The following OTOF variants were observed in gnomAD, a reference collection of about 807,000 sequenced individuals.
The protein encoded by OTOF is otoferlin.
OTOF carries 218 observed loss-of-function variants against 236.8 expected under a neutral mutation model. The ratio of observed to expected loss-of-function variants is 0.92; its 90% CI spans 0.82 to 1.03. The LOEUF is 1.03. Ranked by LOEUF, OTOF falls within the 50% of genes least tolerant of loss-of-function variation. OTOF has a pLI of 0.00. For synonymous variants in OTOF, 1,041 were observed against 1,072.5 expected (o/e 0.97, Z 0.57); for missense variants, 2,590 against 2,694.4 (o/e 0.96, Z 0.86).
In OTOF at chr2:26,475,894, C is replaced by T. The variant is rs539358225; in HGVS notation, c.2991+20G>A. On this transcript the variant is annotated intron_variant, in intron 24 of 46. Transcript: ENST00000272371. The stretch of plus-strand genomic sequence containing the variant: ...TGGTGCTCTCAAAGCCAGAGCCACT[C>T]CCTCCTCCCAGGCCCTCACCTCTGT... The T allele has an allele frequency of 5.0e-6, 8 of 1,591,268 alleles. No homozygotes were observed. In the South Asian group the frequency reaches 9.1e-5, roughly 18 times the overall value.
At chr2:26,557,855 C>T (rs1667632218) in intron 1 of OTOF, among the ~76,000 whole-genome samples, 1 of 151,704 alleles carries the variant, frequency 6.6e-6, no homozygotes, top group Non-Finnish European at 1.5e-5. Flanking sequence ...GGGGCTGGGG[C>T]TGGGTTGTGC....
chr2:26,489,713 G>A lies in OTOF; in HGVS notation c.925C>T (p.Pro309Ser), dbSNP rs374886978. The A allele has an allele frequency of 1.9e-6, 3 of 1,612,904 alleles. No individual in the cohort carries two copies. Among genetic ancestry groups the A allele is most frequent in the Non-Finnish European group, 2.5e-6 (3 of 1,179,950 alleles). Residue 309 changes from proline (P) to serine (S), a missense_variant, in exon 10 of 47, where the codon CCG (proline) becomes TCG (serine). Pro to Ser is a moderately conservative substitution (Grantham distance 74, BLOSUM62 -1). Around this residue, in one of 2 missense-constraint regions of OTOF, gnomAD observed 1,379 missense variants for 1,341.6 expected, o/e 1.03. Transcript: ENST00000272371. Reference sequence around the variant, plus strand: ...ATGATCTTGTCAAACATGACATCCGGAGAGACATGGAAGTCGAAGACGAAG... The same window carrying A: ...ATGATCTTGTCAAACATGACATCCGAAGAGACATGGAAGTCGAAGACGAAG... ...EYFVFDFHVS[P>S]DVMFDKIIKI...
Position 26,463,549 on chromosome 2 carries a change from T to C in OTOF, c.5126A>G (p.Asp1709Gly), listed in dbSNP as rs757638942. 6.8e-6 allele frequency: 11 copies of C among 1,607,230 alleles called. No homozygotes were observed. Among genetic ancestry groups the C allele is most frequent in the Admixed American group, 5.1e-5 (3 of 59,146 alleles). ...GGCTGGCATGTCCATGGGGAACATGTCCACCCACAGCTCCAGGCGGCCCTG... is the reference window on the plus strand; with the variant it reads ...GGCTGGCATGTCCATGGGGAACATGCCCACCCACAGCTCCAGGCGGCCCTG... ...IEQGRLELWV[D>G]MFPMDMPAPG... Residue 1709 changes from aspartate (D) to glycine (G), a missense_variant, in exon 41 of 47, where the codon GAC becomes GGC. Coordinates refer to ENST00000272371, the MANE Select transcript of OTOF (RefSeq NM_194248.3).
rs145618934 is a variant in OTOF, at chr2:26,536,468, G to T, written c.138+1248C>A. On this transcript the variant is annotated intron_variant, in intron 2 of 46. Transcript: ENST00000272371. ...CTGCGCCCTGAAGTGGTTGGGGAGGGTGTGGTGCTGGGCCGCGATGGTTGA... is the reference window on the plus strand; with the variant it reads ...CTGCGCCCTGAAGTGGTTGGGGAGGTTGTGGTGCTGGGCCGCGATGGTTGA... Among the ~76,000 whole-genome samples the T allele has an allele frequency of 3.3e-4, 51 of 152,274 alleles. No individual in the cohort carries two copies. In the South Asian group the frequency reaches 4.6e-3, roughly 14 times the overall value.
chr2:26,489,111 C>T lies in OTOF; in HGVS notation c.1045+100G>A, dbSNP rs1220965708. On this transcript the variant is annotated intron_variant, in intron 11 of 46. Transcript: ENST00000272371. ...AACAGTCGCCAGACTGTGGTCCTTG[C>T]CAGCCTTTTCCCAGGAACTGCCACA... 2.1e-5 allele frequency: 18 copies of T among 867,742 alleles called. No homozygotes were observed. In the South Asian group the frequency reaches 2.1e-4, roughly 10 times the overall value. The allele number at this position is 867,742 out of a possible 1,614,324, so 53.8% of individuals were successfully genotyped here. A position where few individuals can be genotyped will look rare whatever the true frequency, so the allele number is the denominator to read the frequency against.
Position 26,516,472 on chromosome 2 carries a change from A to C in OTOF, c.455T>G (p.Leu152Arg), listed in dbSNP as rs745525013. 11 of 1,613,962 alleles carry C rather than the reference A, an allele frequency of 6.8e-6. No homozygotes were observed. In the Middle Eastern group the frequency reaches 4.9e-4, roughly 73 times the overall value. Residue 152 changes from leucine (L) to arginine (R), a missense_variant, in exon 5 of 47, where the codon CTG becomes CGG. By Grantham distance (102) the Leu-to-Arg change is moderately radical. Transcript: ENST00000272371. Reference protein sequence around the residue: ...EEKDSQETDGLLPGSRPSSRP... With the variant: ...EEKDSQETDGRLPGSRPSSRP... Reference sequence around the variant, plus strand: ...GGAGCTGGGCCGGGAGCCTGGGAGCAGTCCATCCGTCTCTTGGCTGTCCTT... The same window carrying C: ...GGAGCTGGGCCGGGAGCCTGGGAGCCGTCCATCCGTCTCTTGGCTGTCCTT...
intron 1 of OTOF, among the ~76,000 whole-genome samples, chr2:26,557,070 G>A (rs1667610004): frequency 6.6e-6 from 1 of 152,146 alleles, no homozygotes; most frequent in Non-Finnish European, 1.5e-5. Context: ...CCGCCTGCCG[G>A]CAGGGCCACT....
chr2:26,465,705 C>T lies in OTOF; in HGVS notation c.4766G>A (p.Arg1589His), dbSNP rs765530179. The part of the protein sequence containing the change: ...DLENRFYSKH[R>H]ATCGIAQTYS... Reference sequence around the variant, plus strand: ...GGTCTGGGCGATGCCGCAGGTGGCGCGGTGCTTGCTGTAGAAGCGGTTCTC... The same window carrying T: ...GGTCTGGGCGATGCCGCAGGTGGCGTGGTGCTTGCTGTAGAAGCGGTTCTC... The change falls in exon 38 of 47, where the codon CGC becomes CAC. Residue 1589 changes from arginine (R) to histidine (H), a missense_variant. Around this residue, in one of 2 missense-constraint regions of OTOF, gnomAD observed 1,211 missense variants for 1,352.8 expected, o/e 0.90. Transcript: ENST00000272371. 10 of 1,614,282 alleles carry T rather than the reference C, an allele frequency of 6.2e-6. No individual in the cohort carries two copies. Among genetic ancestry groups the T allele is most frequent in the African/African-American group, 2.7e-5 (2 of 75,074 alleles).
chr2:26,510,852 G>A (rs897228109), intron 5 of OTOF: 5 of 628,998 alleles, frequency 7.9e-6, no homozygotes, highest in African/African-American at 3.8e-5. Flanking sequence ...CACGCTCCCC[G>A]GGGGCCTCCT....
intron 3 of OTOF, among the ~76,000 whole-genome samples, chr2:26,525,569 T>C (rs1360268984): frequency 1.3e-5 from 2 of 152,160 alleles, no homozygotes; most frequent in Non-Finnish European, 2.9e-5. Context: ...CAATACCTCA[T>C]CTCAGTATCT....
intron 2 of OTOF, among the ~76,000 whole-genome samples, chr2:26,529,757 G>T (rs1395400104): frequency 1.3e-5 from 2 of 149,360 alleles, no homozygotes; most frequent in Non-Finnish European, 3.0e-5. Context: ...GCCTTGGCAT[G>T]AGAGGGAGGA....
In OTOF at chr2:26,461,709, A is replaced by T. The variant is rs913114272; in HGVS notation, c.5520T>A (p.Ala1840=). 4 of 1,614,006 alleles carry T rather than the reference A, an allele frequency of 2.5e-6. No homozygotes were observed. Among genetic ancestry groups the T allele is most frequent in the Non-Finnish European group, 3.4e-6 (4 of 1,179,986 alleles). The part of the protein sequence containing the change: ...LQIWDADHFS[A]DDFLGAIELD... ...CCTGCTCTGCACCCAGGAAGTCGTC[A>T]GCGGAGAAGTGGTCCGCATCCCAGA... The change falls in exon 43 of 47, where the codon GCT becomes GCA. Residue 1840 remains alanine (A), a synonymous_variant. Transcript: ENST00000272371. The surrounding 1 kb of genome is among the most constrained non-coding windows in gnomAD (Gnocchi z 6.2).
chr2:26,497,089 CTTTTTTTTTTTTTT>C (rs201349303), intron 8 of OTOF, among the ~76,000 whole-genome samples: 5,693 of 97,900 alleles, frequency 0.058, 480 homozygotes, highest in African/African-American at 0.16. Context: ...GTACATTCTT[CTTTTTTTTTTTTTT>C]TTTTTTTTTT....
chr2:26,477,038 C>T lies in OTOF; in HGVS notation c.2529G>A (p.Gln843=), dbSNP rs1469050680. 3 of 1,352,630 alleles carry T rather than the reference C, an allele frequency of 2.2e-6. No individual in the cohort carries two copies. Among genetic ancestry groups the T allele is most frequent in the African/African-American group, 1.4e-5 (1 of 69,310 alleles). The allele number at this position is 1,352,630 out of a possible 1,614,324, so 83.8% of individuals were successfully genotyped here. A position where few individuals can be genotyped will look rare whatever the true frequency, so the allele number is the denominator to read the frequency against. ...QKLRFLADEP[Q]HSIPDIFIWM... is the part of the protein sequence containing the mutation. ...AGATGAAGATGTCGGGAATGCTGTG[C>T]TGGGGCTGGGGGTTGGGGGGTGGCC... Residue 843 remains glutamine, a synonymous_variant, in exon 22 of 47, where the codon CAG becomes CAA. Coordinates refer to ENST00000272371, the MANE Select transcript of OTOF (RefSeq NM_194248.3). This position sits in a 1 kb window ranked among gnomAD's most constrained non-coding sequence, Gnocchi z 4.7.
At chr2:26,459,421 G>A (rs1350096676) in intron 46 of OTOF, among the ~76,000 whole-genome samples, 4 of 152,038 alleles carry the variant, frequency 2.6e-5, no homozygotes, top group Admixed American at 6.5e-5. Flanking sequence ...GCGTGGTGGC[G>A]GGTGCCTGTA....
chr2:26,471,976 ACAC>A (rs772252561), intron 30 of OTOF, among the ~76,000 whole-genome samples: 57 of 151,924 alleles, frequency 3.8e-4, no homozygotes, highest in African/African-American at 1.3e-3. Context: ...ATGCATTTAC[ACAC>A]CACATGCACA....
chr2:26,482,389 G>C lies in OTOF; in HGVS notation c.1579+17C>G, dbSNP rs201963112. The C allele has an allele frequency of 6.2e-7, 1 of 1,612,100 alleles. No homozygotes were observed. Among genetic ancestry groups the C allele is most frequent in the Non-Finnish European group, 8.5e-7 (1 of 1,179,392 alleles). On this transcript the variant is annotated intron_variant, in intron 14 of 46. Transcript: ENST00000272371. ...ACTCCCTCTGCCCCCCAGCACACCG[G>C]GTCTCCCGCTGCTGACCTTTGTCTC...
At chr2:26,484,256 C>T (rs1456985894) in intron 12 of OTOF, among the ~76,000 whole-genome samples, 1 of 152,246 alleles carries the variant, frequency 6.6e-6, no homozygotes, top group African/African-American at 2.4e-5. Flanking sequence ...ACCCATTTCT[C>T]ACTGGCAGAA....
chr2:26,496,218 T>G lies in OTOF; in HGVS notation c.766-1145A>C, dbSNP rs1290018330. 3.3e-5 allele frequency among the ~76,000 whole-genome samples: 5 copies of G among 150,434 alleles called. No individual in the cohort carries two copies. The South Asian group carries it at 1.0e-3, about 31-fold the overall frequency. ...GCAACAAATTCTTCCTTGTGGAGCTTACCACAAATGATTAATGGCTTTTTT... is the reference window on the plus strand; with the variant it reads ...GCAACAAATTCTTCCTTGTGGAGCTGACCACAAATGATTAATGGCTTTTTT... On this transcript the variant is annotated intron_variant, in intron 8 of 46. Transcript: ENST00000272371.
Sources: allele counts gnomAD v4.1 joint callset (sites outside exome capture counted in the v4.1 genomes callset), GRCh38; gene constraint gnomAD v4.1.1; regional missense constraint gnomAD v4.1.1; non-coding constraint Gnocchi (gnomAD v3.1); transcripts MANE v1.5; gene names NCBI Gene and HGNC (gene_info 2026-07-23, HGNC 2026-07-21).